NDUFB5: variants seen among roughly 807,000 people sequenced by gnomAD.
NDUFB5 encodes NADH:ubiquinone oxidoreductase subunit B5.
In NDUFB5, 19 loss-of-function variants were observed where a neutral mutation model predicts 19.4. The ratio of observed to expected loss-of-function variants is 0.98; its 90% CI spans 0.68 to 1.43. The LOEUF is 1.43. NDUFB5 is among the 40% of genes most tolerant of loss of function. The pLI is 0.00. For synonymous variants in NDUFB5, 80 were observed against 82.6 expected, an observed-to-expected ratio of 0.97 and a Z score of 0.17; for missense variants, 233 against 236.5, an observed-to-expected ratio of 0.99 and a Z score of 0.10.
rs1034024968 is a variant in NDUFB5 at position 179,618,339 on chromosome 3, T to A, written c.343-76T>A. 5.1e-5 allele frequency: 45 copies of A among 877,486 alleles called. No homozygotes were observed. The African/African-American group carries it at 7.5e-4, about 15-fold the overall frequency. 54.4% of individuals were successfully genotyped at this position (877,486 alleles called of 1,614,324 possible). A position where few individuals can be genotyped will look rare whatever the true frequency, so the allele number is the denominator to read the frequency against. On this transcript the variant is annotated intron_variant, in intron 4 of 5. Coordinates refer to ENST00000259037, the MANE Select transcript of NDUFB5 (RefSeq NM_002492.4). ...CTGGTTTATCTAACTGAAATGATCA[T>A]TTTAAAGAATAGTCAACTAGAAAAG...
At chr3:179,620,873 A>G (rs1452963372) in intron 5 of NDUFB5, among the ~76,000 whole-genome samples, 1 of 152,202 alleles carries the variant, frequency 6.6e-6, no homozygotes, top group Non-Finnish European at 1.5e-5. Context: ...GATATTGCCA[A>G]ACTCTTCTCC....
At position 179,624,121 on chromosome 3, in the gene NDUFB5, G is replaced by T; in HGVS notation, c.*81G>T. ...AATATATTCTGTATTTTTGCTCTCC[G>T]TGAAAAACAAAAGAGCCTCTGACAT... On this transcript the variant is annotated 3_prime_UTR_variant, in exon 6 of 6. Coordinates refer to ENST00000259037, the MANE Select transcript of NDUFB5 (RefSeq NM_002492.4). 1 of 1,306,010 alleles carries T rather than the reference G, an allele frequency of 7.7e-7. No homozygotes were observed. The highest frequency in any genetic ancestry group is 1.0e-6 in the Non-Finnish European group (1 of 967,476). The allele number at this position is 1,306,010 out of a possible 1,614,324, so 80.9% of individuals were successfully genotyped here.
intron 5 of NDUFB5, among the ~76,000 whole-genome samples, chr3:179,621,412 A>C (rs1306815394): frequency 6.6e-6 from 1 of 151,972 alleles, no homozygotes; most frequent in Non-Finnish European, 1.5e-5. Flanking sequence ...GTCTTTTGGC[A>C]GTGTAGAAAT....
chr3:179,616,476 A>G (rs1014213281), intron 3 of NDUFB5, among the ~76,000 whole-genome samples: 4 of 152,090 alleles, frequency 2.6e-5, no homozygotes, highest in African/African-American at 7.2e-5. Context: ...CAGGAGGTGG[A>G]GGTTGCAGTG....
At chr3:179,610,301 C>T (rs1719206763) in intron 1 of NDUFB5, among the ~76,000 whole-genome samples, 1 of 152,084 alleles carries the variant, frequency 6.6e-6, no homozygotes, top group African/African-American at 2.4e-5. Context: ...GCTATGTTGA[C>T]CAGGCTAGTT....
intron 1 of NDUFB5, chr3:179,607,667 C>T (rs1719138699): frequency 1.5e-6 from 1 of 680,476 alleles, no homozygotes; most frequent in Non-Finnish European, 2.7e-6. Context: ...ATGCAACCAT[C>T]ACCATCATCC....
At chr3:179,607,676 C>G (rs1482712622) in intron 1 of NDUFB5, 1 of 686,998 alleles carries the variant, frequency 1.5e-6, no homozygotes, top group African/African-American at 1.8e-5. Context: ...TCACCATCAT[C>G]CAACTCCAGA....
chr3:179,615,928 G>A (rs973766537), intron 2 of NDUFB5, 55 bp from the exon 3 acceptor site: 47 of 1,285,862 alleles, frequency 3.7e-5, no homozygotes, highest in Non-Finnish European at 5.2e-5. Context: ...AGGATGATTT[G>A]TGTGTGGGGA....
intron 1 of NDUFB5, among the ~76,000 whole-genome samples, chr3:179,606,148 G>A (rs1178719204): frequency 1.3e-5 from 2 of 152,174 alleles, no homozygotes; most frequent in African/African-American, 2.4e-5. Flanking sequence ...TTGCATCATG[G>A]CGGTGTGAAT....
intron 1 of NDUFB5, 96 bp downstream of exon 1, chr3:179,605,035 C>G: frequency 7.1e-7 from 1 of 1,411,108 alleles, no homozygotes. Context: ...CCGGAGGGAG[C>G]CGGGACAAGT....
Position 179,624,138 on chromosome 3 carries a change from C to T in NDUFB5, c.*98C>T, listed in dbSNP as rs1278728300. On this transcript the variant is annotated 3_prime_UTR_variant, in exon 6 of 6. Transcript: ENST00000259037. The stretch of plus-strand genomic sequence containing the variant: ...TGCTCTCCGTGAAAAACAAAAGAGC[C>T]TCTGACATTACTGTCTCTCAGTGTT... 3.6e-6 allele frequency: 4 copies of T among 1,121,920 alleles called. No individual in the cohort carries two copies. In the South Asian group the frequency reaches 5.3e-5, roughly 15 times the overall value. 69.5% of individuals were successfully genotyped at this position (1,121,920 alleles called of 1,614,324 possible).
At position 179,625,413 on chromosome 3, in the gene NDUFB5, A is replaced by C. The variant is rs1004613642; in HGVS notation, c.*1373A>C. ...TGAATTGAAAAGCCACAGGCCATTC[A>C]TTCAACAAATAACTTTATTATTTTT... On this transcript the variant is annotated 3_prime_UTR_variant, in exon 6 of 6. Transcript: ENST00000259037. The C allele has an allele frequency of 1.6e-4, 25 of 152,342 alleles. No individual in the cohort carries two copies. Among genetic ancestry groups the C allele is most frequent in the African/African-American group, 6.0e-4 (25 of 41,592 alleles). The allele number at this position is 152,342 out of a possible 1,614,324, so 9.4% of individuals were successfully genotyped here.
At chr3:179,623,817 T>G (rs1292470114) in intron 5 of NDUFB5, 103 bp from the exon 6 acceptor site, 1 of 1,420,192 alleles carries the variant, frequency 7.0e-7, no homozygotes, top group Non-Finnish European at 9.9e-7. Context: ...GCATTATACT[T>G]TACATAAAAG....
At chr3:179,608,916 C>T (rs1174250250) in intron 1 of NDUFB5, among the ~76,000 whole-genome samples, 1 of 152,188 alleles carries the variant, frequency 6.6e-6, no homozygotes, top group Non-Finnish European at 1.5e-5. Context: ...AAGTGATCCA[C>T]CTGTCTTGGC....
rs1257822293 is a variant in NDUFB5, at chr3:179,627,171, A to T, written c.*3131A>T. 6.6e-6 allele frequency: 1 copy of T among 152,026 alleles called. No homozygotes were observed. The highest frequency in any genetic ancestry group is 1.5e-5 in the Non-Finnish European group (1 of 68,010). 9.4% of individuals were successfully genotyped at this position (152,026 alleles called of 1,614,324 possible). On this transcript the variant is annotated 3_prime_UTR_variant, in exon 6 of 6. Coordinates refer to ENST00000259037, the MANE Select transcript of NDUFB5 (RefSeq NM_002492.4). ...GCCACACACTGTTTTAAACAACCAG[A>T]TCTCTCAGGAACTCATTGTTGTTAG...
chr3:179,611,695 C>T (rs887207482), intron 1 of NDUFB5, among the ~76,000 whole-genome samples: 11 of 151,816 alleles, frequency 7.2e-5, no homozygotes, highest in Admixed American at 2.6e-4. Flanking sequence ...CCACTGTGCC[C>T]GGCCCAGTTG....
chr3:179,616,218 GA>G (rs1156470974), intron 3 of NDUFB5, among the ~76,000 whole-genome samples, 169 bp downstream of exon 3: 1 of 152,104 alleles, frequency 6.6e-6, no homozygotes. Context: ...TCTGAACTAA[GA>G]ATTTTTTAAT....
chr3:179,618,974 AT>A (rs966396546), intron 5 of NDUFB5, among the ~76,000 whole-genome samples: 2 of 151,376 alleles, frequency 1.3e-5, no homozygotes, highest in South Asian at 2.1e-4. Context: ...AAATTTTTGA[AT>A]TTTTTTTTAG....
chr3:179,608,620 GCA>G (rs2108392775), intron 1 of NDUFB5, among the ~76,000 whole-genome samples: 1 of 152,260 alleles, frequency 6.6e-6, no homozygotes, highest in South Asian at 2.1e-4. Context: ...ATGTAAGTGT[GCA>G]CTTATCTAAA....
Sources: allele counts gnomAD v4.1 joint callset (sites outside exome capture counted in the v4.1 genomes callset), GRCh38; gene constraint gnomAD v4.1.1; transcripts MANE v1.5; gene names NCBI Gene and HGNC (gene_info 2026-07-23, HGNC 2026-07-21).